ITGA10: variants seen among roughly 807,000 people sequenced by gnomAD.
ITGA10 encodes integrin subunit alpha 10.
In ITGA10, 105 loss-of-function variants were observed where a neutral mutation model predicts 145.2. That is an observed-to-expected ratio of 0.72 (90% CI 0.62 to 0.85). The LOEUF is 0.85. Among genes scored for constraint, ITGA10 ranks in the 40% least tolerant of loss-of-function variants. The pLI, the probability that ITGA10 is intolerant of heterozygous loss-of-function variation, is 0.00. For missense variants in ITGA10, 1,317 were observed against 1,444.5 expected, an observed-to-expected ratio of 0.91 and a Z score of 1.43; for synonymous variants, 506 against 557.8, an observed-to-expected ratio of 0.91 and a Z score of 1.31.
intron 1 of ITGA10, among the ~76,000 whole-genome samples, chr1:145,909,376 T>A (rs1228278620): frequency 6.7e-6 from 1 of 149,478 alleles, no homozygotes; most frequent in African/African-American, 2.5e-5. Flanking sequence ...ACCACTGCAC[T>A]CCAGCCTAGA....
chr1:145,893,743 G>A, intron 27 of ITGA10, 108 bp from the exon 28 acceptor site: 1 of 780,546 alleles, frequency 1.3e-6, no homozygotes. Flanking sequence ...AATGTTGAGG[G>A]CTCTCAAGAC....
chr1:145,907,529 A>G (rs1657326988), intron 1 of ITGA10, 64 bp from the exon 2 acceptor site: 1 of 1,602,118 alleles, frequency 6.2e-7, no homozygotes. Context: ...AGCCCGAGAG[A>G]AGCTGTGAGG....
intron 1 of ITGA10, chr1:145,907,687 C>G: frequency 1.5e-6 from 1 of 680,734 alleles, no homozygotes; most frequent in Non-Finnish European, 1.8e-6. Flanking sequence ...CTCTGCCATG[C>G]TGATGTACAG....
At chr1:145,895,580 C>G (rs1039126689) in intron 26 of ITGA10, 51 bp downstream of exon 26, 2 of 1,570,562 alleles carry the variant, frequency 1.3e-6, no homozygotes, top group Admixed American at 3.3e-5. Context: ...TGTCCCAAGT[C>G]ACCCAACTCC....
Position 145,901,818 on chromosome 1 carries a change from C to G in ITGA10, c.1294+59G>C, listed in dbSNP as rs941138355. 4 of 1,604,680 alleles carry G rather than the reference C, an allele frequency of 2.5e-6. No homozygotes were observed. Among genetic ancestry groups the G allele is most frequent in the East Asian group, 2.2e-5 (1 of 44,840 alleles). ...AGAGGGAGTATTTCATACCCGCCCC[C>G]ACTAGGGATGTATTTCCTCCCCTAC... is the stretch of plus-strand genomic sequence containing the variant. On this transcript the variant is annotated intron_variant, in intron 11 of 29. Coordinates refer to ENST00000369304, the MANE Select transcript of ITGA10 (RefSeq NM_003637.5). This position sits in a 1 kb window ranked among gnomAD's most constrained non-coding sequence, Gnocchi z 4.3.
intron 5 of ITGA10, chr1:145,906,170 C>T (rs1262358274): frequency 2.2e-6 from 1 of 449,186 alleles, no homozygotes; most frequent in Non-Finnish European, 4.1e-6. Flanking sequence ...CTCAAGTGAT[C>T]TGCCCACCTT....
rs1655417338 is a variant in ITGA10, at chr1:145,896,450, G to A, written c.2835-98C>T. 3.4e-6 allele frequency: 3 copies of A among 895,310 alleles called. No homozygotes were observed. In the African/African-American group the frequency reaches 4.9e-5, roughly 15 times the overall value. 55.5% of individuals were successfully genotyped at this position (895,310 alleles called of 1,614,324 possible). ...CAGACGTGGATTCAGAGGAGGCAGG[G>A]CCAGCACATGGATAAAGAGGTGGGG... On this transcript the variant is annotated intron_variant, in intron 23 of 29. Coordinates refer to ENST00000369304, the MANE Select transcript of ITGA10 (RefSeq NM_003637.5).
At chr1:145,905,284 A>AT (rs1167452480) in intron 5 of ITGA10, among the ~76,000 whole-genome samples, 11,278 of 145,408 alleles carry the variant, frequency 0.078, 1,398 homozygotes, top group African/African-American at 0.26. Flanking sequence ...GGTAGAGAAC[A>AT]TTTTTTTTTT....
In ITGA10 at chr1:145,892,558, A is replaced by G. The variant is rs1234914494; in HGVS notation, c.*240T>C. 4.7e-6 allele frequency: 2 copies of G among 421,578 alleles called. No homozygotes were observed. Among genetic ancestry groups the G allele is most frequent in the Non-Finnish European group, 4.2e-6 (1 of 237,492 alleles). The allele number at this position is 421,578 out of a possible 1,614,324, so 26.1% of individuals were successfully genotyped here. A position where few individuals can be genotyped will look rare whatever the true frequency, so the allele number is the denominator to read the frequency against. ...TGTTGGCTATGGAACCAGGATCACGAGGAGGAGGGAAGCAGAGGGTGGGAG... is the reference window on the plus strand; with the variant it reads ...TGTTGGCTATGGAACCAGGATCACGGGGAGGAGGGAAGCAGAGGGTGGGAG... On this transcript the variant is annotated 3_prime_UTR_variant, in exon 30 of 30. Transcript: ENST00000369304.
chr1:145,907,661 T>C (rs1657343688), intron 1 of ITGA10, 196 bp from the exon 2 acceptor site: 2 of 943,414 alleles, frequency 2.1e-6, no homozygotes, highest in East Asian at 1.2e-4. Context: ...TGTGTCCAGA[T>C]GCCTAAACTG....
At position 145,899,346 on chromosome 1, in the gene ITGA10, G is replaced by A; in HGVS notation, c.1923-5C>T. On this transcript the variant is annotated splice_region_variant and splice_polypyrimidine_tract_variant and intron_variant, in intron 15 of 29. Transcript: ENST00000369304. ...AGATGGACAATGGGCCGGGAGCTGG[G>A]AACAGTGTGGAAAAGAAATTCTAGC... is the stretch of plus-strand genomic sequence containing the variant. 4.3e-6 allele frequency: 7 copies of A among 1,612,600 alleles called. No individual in the cohort carries two copies. The highest frequency in any genetic ancestry group is 5.9e-6 in the Non-Finnish European group (7 of 1,179,036).
chr1:145,896,470 G>GT (rs1655421162), intron 23 of ITGA10, 118 bp from the exon 24 acceptor site: 8 of 796,288 alleles, frequency 1.0e-5, no homozygotes, highest in South Asian at 8.5e-5. Context: ...GGATAAAGAG[G>GT]TGGGGGTACA....
intron 6 of ITGA10, among the ~76,000 whole-genome samples, chr1:145,904,448 C>T (rs1656828308): frequency 6.6e-6 from 1 of 152,108 alleles, no homozygotes; most frequent in Admixed American, 6.5e-5. Context: ...AAGCTCACTA[C>T]AGCCTCAAAC....
rs782289710 is a variant in ITGA10 at position 145,906,356 on chromosome 1, C to T, written c.481+38G>A. The T allele has an allele frequency of 7.3e-6, 11 of 1,515,248 alleles. No individual in the cohort carries two copies. The South Asian group carries it at 1.1e-4, about 15-fold the overall frequency. 93.9% of individuals were successfully genotyped at this position (1,515,248 alleles called of 1,614,324 possible). On this transcript the variant is annotated intron_variant, in intron 5 of 29. Transcript: ENST00000369304. Reference sequence around the variant, plus strand: ...CCATCTTTTTCCCACCCAGTATCTCCTTCTGGGAACCAAGTACTCAGCCTT... The same window carrying T: ...CCATCTTTTTCCCACCCAGTATCTCTTTCTGGGAACCAAGTACTCAGCCTT...
chr1:145,901,220 G>C lies in ITGA10; in HGVS notation c.1502C>G (p.Thr501Ser). 2 of 1,614,086 alleles carry C rather than the reference G, an allele frequency of 1.2e-6. No individual in the cohort carries two copies. Among genetic ancestry groups the C allele is most frequent in the African/African-American group, 2.7e-5 (2 of 74,982 alleles). The change falls in exon 13 of 30, where the codon ACT (threonine) becomes AGT (serine). Residue 501 changes from threonine to serine, a missense_variant. By Grantham distance (58) the Thr-to-Ser change is moderately conservative. Coordinates refer to ENST00000369304, the MANE Select transcript of ITGA10 (RefSeq NM_003637.5). This position sits in a 1 kb window ranked among gnomAD's most constrained non-coding sequence, Gnocchi z 4.3. ...CPLDTDRDGT[T>S]DVLLVAAPMF... Reference sequence around the variant, plus strand: ...GGGGGCAGCCACAAGTAAGACATCAGTTGTTCCATCCCTATCTGTATCCAA... The same window carrying C: ...GGGGGCAGCCACAAGTAAGACATCACTTGTTCCATCCCTATCTGTATCCAA...
At chr1:145,896,228 C>T (rs1553745005) in intron 24 of ITGA10, 40 bp downstream of exon 24, 1 of 1,546,950 alleles carries the variant, frequency 6.5e-7, no homozygotes, top group South Asian at 1.1e-5. Flanking sequence ...CTGTTGTTCC[C>T]CCACATTCTC....
intron 6 of ITGA10, 41 bp downstream of exon 6, chr1:145,904,643 G>T (rs1553750459): frequency 6.2e-7 from 1 of 1,608,920 alleles, no homozygotes; most frequent in Non-Finnish European, 8.5e-7. Context: ...TTAAGTAGGT[G>T]CCACAAGCAA....
rs1553750993 is a variant in ITGA10, at chr1:145,906,397, G to A, written c.478C>T (p.Gln160Ter). 1 of 1,612,178 alleles carries A rather than the reference G, an allele frequency of 6.2e-7. No homozygotes were observed. The highest frequency in any genetic ancestry group is 8.5e-7 in the Non-Finnish European group (1 of 1,178,446). ...ACTCAGCCTTCCTCTGGCTCACGTT[G>A]GGCAGTGGGTGCCAGGCTTCCCTGA... ...QPQGSLAPTA[Q>*]RCPTYMDVVI... The change falls in exon 5 of 30, where the codon CAA becomes TAA. Residue 160 changes from glutamine to a stop codon, truncating the protein, a stop_gained. Transcript: ENST00000369304. LOFTEE classifies it high-confidence loss of function.
In ITGA10 at chr1:145,892,516, C is replaced by A; in HGVS notation, c.*282G>T. On this transcript the variant is annotated 3_prime_UTR_variant, in exon 30 of 30. Coordinates refer to ENST00000369304, the MANE Select transcript of ITGA10 (RefSeq NM_003637.5). ...ATTGATTCCTGGGGATAAAAGGACCCCAAACAAAAGCCCCAGTGTTGGCTA... is the reference window on the plus strand; with the variant it reads ...ATTGATTCCTGGGGATAAAAGGACCACAAACAAAAGCCCCAGTGTTGGCTA... 1 of 340,522 alleles carries A rather than the reference C, an allele frequency of 2.9e-6. No homozygotes were observed. Among genetic ancestry groups the A allele is most frequent in the East Asian group, 4.7e-5 (1 of 21,248 alleles). 21.1% of individuals were successfully genotyped at this position (340,522 alleles called of 1,614,324 possible). A position where few individuals can be genotyped will look rare whatever the true frequency, so the allele number is the denominator to read the frequency against.
Sources: gnomAD v4.1 joint callset for allele counts (sites outside exome capture counted in the v4.1 genomes callset) on GRCh38, gnomAD v4.1.1 for gene constraint, Gnocchi (gnomAD v3.1) non-coding constraint, MANE v1.5 for transcripts, NCBI Gene and HGNC (gene_info 2026-07-23, HGNC 2026-07-21) for gene names.